The following SDR16C5 variants were observed in gnomAD, a reference collection of about 807,000 sequenced individuals.
SDR16C5 encodes the protein short chain dehydrogenase/reductase family 16C member 5.
A neutral mutation model predicts 27.7 loss-of-function variants in SDR16C5; 20 were observed. The ratio of observed to expected loss-of-function variants is 0.72; its 90% CI spans 0.51 to 1.05. SDR16C5 has a LOEUF of 1.05. Ranked by LOEUF, SDR16C5 falls within the 50% of genes least tolerant of loss-of-function variation. The pLI, the probability that SDR16C5 is intolerant of heterozygous loss-of-function variation, is 0.00. For synonymous variants in SDR16C5, 139 were observed against 132.3 expected (o/e 1.05, Z -0.35); for missense variants, 374 against 366.3 (o/e 1.02, Z -0.17).
At chr8:56,315,950 G>A (rs1276326538) in intron 2 of SDR16C5, 65 bp downstream of exon 2, 1 of 1,127,106 alleles carries the variant, frequency 8.9e-7, no homozygotes, top group Admixed American at 1.9e-5. Flanking sequence ...AATAGGCACT[G>A]AGAAAGGCAA....
chr8:56,313,926 T>C (rs893371432), intron 2 of SDR16C5, among the ~76,000 whole-genome samples: 2 of 152,070 alleles, frequency 1.3e-5, no homozygotes, highest in East Asian at 3.9e-4. Context: ...TCTCTGGTAT[T>C]GGCCGGGCGC....
At chr8:56,303,325 A>G (rs1407644665) in intron 6 of SDR16C5, among the ~76,000 whole-genome samples, 1 of 151,892 alleles carries the variant, frequency 6.6e-6, no homozygotes, top group Admixed American at 6.6e-5. Flanking sequence ...AAAAAAAAAA[A>G]AAAAGAAAAA....
At chr8:56,302,825 A>C (rs1298355008) in intron 6 of SDR16C5, among the ~76,000 whole-genome samples, 5 of 151,754 alleles carry the variant, frequency 3.3e-5, no homozygotes, top group African/African-American at 1.2e-4. Context: ...TAAAAAAATA[A>C]AAATAAATTA....
intron 1 of SDR16C5, among the ~76,000 whole-genome samples, chr8:56,317,308 A>T (rs566929726): frequency 6.6e-6 from 1 of 152,262 alleles, no homozygotes; most frequent in East Asian, 1.9e-4. Flanking sequence ...CTGCTGAATG[A>T]ATAAAAGGCC....
intron 6 of SDR16C5, 112 bp downstream of exon 6, chr8:56,305,480 GAATTA>G: frequency 1.1e-6 from 1 of 920,078 alleles, no homozygotes; most frequent in Non-Finnish European, 1.6e-6. Context: ...GGACTTAATA[GAATTA>G]AATTAATGAA....
At chr8:56,315,657 C>T (rs1352159767) in intron 2 of SDR16C5, among the ~76,000 whole-genome samples, 1 of 152,024 alleles carries the variant, frequency 6.6e-6, no homozygotes, top group African/African-American at 2.4e-5. Context: ...CGGTATGGTC[C>T]GTGCAGTGTA....
chr8:56,310,260 G>A (rs1271204111), intron 3 of SDR16C5, among the ~76,000 whole-genome samples: 4 of 5,104 alleles, frequency 7.8e-4, no homozygotes, highest in Non-Finnish European at 1.5e-3. Flanking sequence ...GGAGGAGGAG[G>A]AAGGAGGAGG....
chr8:56,312,863 G>C (rs1385545209), intron 2 of SDR16C5, among the ~76,000 whole-genome samples: 2 of 147,776 alleles, frequency 1.4e-5, no homozygotes, highest in Non-Finnish European at 3.0e-5. Flanking sequence ...TGCAAGCTCC[G>C]CCTCCTGGGT....
intron 6 of SDR16C5, among the ~76,000 whole-genome samples, chr8:56,302,639 C>G (rs1276653498): frequency 2.0e-5 from 3 of 149,476 alleles, no homozygotes; most frequent in African/African-American, 7.5e-5. Context: ...CACCACTGCA[C>G]TCCAGCCTAG....
chr8:56,306,087 T>C (rs1228789998), intron 5 of SDR16C5, among the ~76,000 whole-genome samples: 1 of 152,216 alleles, frequency 6.6e-6, no homozygotes, highest in Admixed American at 6.5e-5. Context: ...TGGGTATTTG[T>C]GTCCCCCCAA....
chr8:56,313,263 T>C (rs533329274), intron 2 of SDR16C5, among the ~76,000 whole-genome samples: 9 of 152,356 alleles, frequency 5.9e-5, no homozygotes, highest in Admixed American at 1.3e-4. Flanking sequence ...AGCTTCATTA[T>C]AGCCAAATGT....
chr8:56,305,518 A>T, intron 6 of SDR16C5, 79 bp downstream of exon 6: 1 of 1,248,974 alleles, frequency 8.0e-7, no homozygotes, highest in Non-Finnish European at 1.1e-6. Context: ...AGGTATTTTT[A>T]AAGTGGCTTC....
rs756085050 is a variant in SDR16C5 at position 56,305,687 on chromosome 8, T to A, written c.746A>T (p.Tyr249Phe). The change falls in exon 6 of 7, where the codon TAT (tyrosine) becomes TTT (phenylalanine). Residue 249 changes from tyrosine (Y) to phenylalanine (F), a missense_variant. Transcript: ENST00000303749. ...AGCTTCTACTATTTTTTCAACTGCA[T>A]ATTTTGGTTCCAGAATTGGCAACAG... ...PSLLPILEPK[Y>F]AVEKIVEAIL... 1.9e-6 allele frequency: 3 copies of A among 1,602,770 alleles called. No homozygotes were observed. Among genetic ancestry groups the A allele is most frequent in the Non-Finnish European group, 2.5e-6 (3 of 1,177,026 alleles).
rs181695822 is a variant in SDR16C5 at position 56,313,067 on chromosome 8, C to T, written c.334-779G>A. Among the ~76,000 whole-genome samples the T allele has an allele frequency of 1.6e-3, 250 of 152,260 alleles. 1 individual carries two copies. The highest frequency in any genetic ancestry group is 5.6e-3 in the African/African-American group (233 of 41,568). On this transcript the variant is annotated intron_variant, in intron 2 of 6. Transcript: ENST00000303749. Reference sequence around the variant, plus strand: ...TTGGGATTACAGGCATGAGCCACTGCGCCTGACCTCCAGAGATCAAGTTTT... The same window carrying T: ...TTGGGATTACAGGCATGAGCCACTGTGCCTGACCTCCAGAGATCAAGTTTT...
chr8:56,305,868 C>T (rs755293770), intron 5 of SDR16C5, 146 bp from the exon 6 acceptor site: 16 of 795,368 alleles, frequency 2.0e-5, no homozygotes, highest in Non-Finnish European at 2.7e-5. Context: ...TATATTTACT[C>T]CTTTATTATC....
At chr8:56,310,716 C>CA (rs869062505) in intron 3 of SDR16C5, among the ~76,000 whole-genome samples, 3,579 of 68,312 alleles carry the variant, frequency 0.052, 153 homozygotes, top group African/African-American at 0.16. Context: ...TACTCTATCT[C>CA]AAAAAAAAAA....
At chr8:56,302,428 A>G (rs13249151) in intron 6 of SDR16C5, among the ~76,000 whole-genome samples, 27,262 of 152,024 alleles carry the variant, frequency 0.18, 2,581 homozygotes, top group African/African-American at 0.25. Context: ...TAATCCCAGC[A>G]CTTTAGGAGG....
chr8:56,309,581 G>C (rs1265351097), intron 3 of SDR16C5: 2 of 984,702 alleles, frequency 2.0e-6, no homozygotes, highest in East Asian at 2.3e-4. Flanking sequence ...CCTTGATTGG[G>C]GGCCTGGAGA....
intron 6 of SDR16C5, chr8:56,303,962 A>C (rs1374955145): frequency 1.4e-6 from 1 of 702,940 alleles, no homozygotes; most frequent in South Asian, 1.5e-5. Flanking sequence ...GCACGCTCAG[A>C]GTCACAGACT....
Sources: allele counts gnomAD v4.1 joint callset (sites outside exome capture counted in the v4.1 genomes callset), GRCh38; gene constraint gnomAD v4.1.1; transcripts MANE v1.5; gene names NCBI Gene and HGNC (gene_info 2026-07-23, HGNC 2026-07-21).